The following SDK1 variants were observed in gnomAD, a reference collection of about 807,000 sequenced individuals.
The protein encoded by SDK1 is sidekick cell adhesion molecule 1.
Under a neutral mutation model 245.5 loss-of-function variants are expected in SDK1, and 157 were observed. That is an observed-to-expected ratio of 0.64 (90% CI 0.56 to 0.73). The LOEUF (loss-of-function observed/expected upper bound fraction) is 0.73, where lower values mean the gene tolerates loss of function less well. SDK1 is among the 30% of genes least tolerant of loss of function. The pLI is 0.00. For missense variants in SDK1, 3,583 were observed against 3,002.3 expected, an observed-to-expected ratio of 1.19 and a Z score of -4.52; for synonymous variants, 1,647 against 1,278.5, an observed-to-expected ratio of 1.29 and a Z score of -6.15.
intron 42 of SDK1, among the ~76,000 whole-genome samples, chr7:4,240,665 G>A (rs35527356): frequency 0.19 from 28,696 of 152,192 alleles, 3,048 homozygotes; most frequent in Non-Finnish European, 0.24. Flanking sequence ...TGTAGGCGCT[G>A]TCCTGGGGGC....
At chr7:3,724,865 A>G (rs1246096462) in intron 4 of SDK1, among the ~76,000 whole-genome samples, 1 of 152,190 alleles carries the variant, frequency 6.6e-6, no homozygotes, top group Non-Finnish European at 1.5e-5. Flanking sequence ...CACCGAAGAG[A>G]ACTTGTCACA....
intron 1 of SDK1, among the ~76,000 whole-genome samples, chr7:3,584,199 G>C (rs898203611): frequency 6.6e-6 from 1 of 152,064 alleles, no homozygotes; most frequent in African/African-American, 2.4e-5. Context: ...GGCTTCTTAG[G>C]GCCCTTAATA....
chr7:4,048,507 G>A (rs6956855), intron 17 of SDK1, among the ~76,000 whole-genome samples: 15,655 of 147,622 alleles, frequency 0.11, 953 homozygotes, highest in South Asian at 0.18. Flanking sequence ...GCCGTGCTCC[G>A]TGTGCACCCA....
chr7:3,934,834 G>A (rs549204872), intron 5 of SDK1, among the ~76,000 whole-genome samples: 2 of 152,318 alleles, frequency 1.3e-5, no homozygotes, highest in African/African-American at 4.8e-5. Context: ...GTAGAGGAGT[G>A]TGCAAAGGAC....
At chr7:3,454,358 G>A (rs1291476190) in intron 1 of SDK1, among the ~76,000 whole-genome samples, 2 of 146,670 alleles carry the variant, frequency 1.4e-5, no homozygotes, top group Non-Finnish European at 3.0e-5. Flanking sequence ...TTTTATTAAT[G>A]CATTTCGATT....
chr7:3,401,058 C>T (rs953494417), intron 1 of SDK1, among the ~76,000 whole-genome samples: 14 of 152,120 alleles, frequency 9.2e-5, no homozygotes, highest in Admixed American at 2.6e-4. Context: ...TGCTGCCATC[C>T]GCAGCCTCAT....
intron 16 of SDK1, 46 bp downstream of exon 16, chr7:4,012,281 AG>A: frequency 7.0e-7 from 1 of 1,433,596 alleles, no homozygotes. Flanking sequence ...ATTAGAGTTG[AG>A]CGTCGATTTC....
chr7:4,113,131 C>G (rs1783456093), intron 23 of SDK1, among the ~76,000 whole-genome samples, 158 bp from the exon 24 acceptor site: 1 of 152,132 alleles, frequency 6.6e-6, no homozygotes, highest in Admixed American at 6.5e-5. Context: ...TTTAATGAAA[C>G]CAGGTGAAAA....
chr7:4,063,001 A>G (rs571622056), intron 19 of SDK1, among the ~76,000 whole-genome samples: 1 of 152,324 alleles, frequency 6.6e-6, no homozygotes, highest in South Asian at 2.1e-4. Flanking sequence ...CTAACATCAC[A>G]CTGAATGGGG....
chr7:3,993,889 G>C (rs2128141877), intron 14 of SDK1, among the ~76,000 whole-genome samples: 1 of 152,274 alleles, frequency 6.6e-6, no homozygotes, highest in South Asian at 2.1e-4. Flanking sequence ...GAGCCAGTGA[G>C]CTCCACTGAG....
In SDK1 at chr7:3,791,055, C is replaced by T. The variant is rs530512201; in HGVS notation, c.714-30395C>T. Reference sequence around the variant, plus strand: ...ATCCTCATCGGTAAATTGGGTCTAACAGCAGTGCCTAGTTCCTGGGGAGTG... The same window carrying T: ...ATCCTCATCGGTAAATTGGGTCTAATAGCAGTGCCTAGTTCCTGGGGAGTG... On this transcript the variant is annotated intron_variant, in intron 4 of 44. Coordinates refer to ENST00000404826, the MANE Select transcript of SDK1 (RefSeq NM_152744.4). Among the ~76,000 whole-genome samples, 386 of 152,104 alleles carry T rather than the reference C, an allele frequency of 2.5e-3. 1 individual carries two copies. Among genetic ancestry groups the T allele is most frequent in the Non-Finnish European group, 4.7e-3 (321 of 67,998 alleles).
intron 4 of SDK1, among the ~76,000 whole-genome samples, chr7:3,810,439 C>T (rs957052368): frequency 2.0e-5 from 3 of 152,052 alleles, no homozygotes; most frequent in South Asian, 2.1e-4. Flanking sequence ...CATGCCGTTC[C>T]TCTGCATATG....
chr7:4,200,648 A>C (rs1200950401), intron 35 of SDK1, among the ~76,000 whole-genome samples: 1 of 152,216 alleles, frequency 6.6e-6, no homozygotes, highest in Non-Finnish European at 1.5e-5. Context: ...GCCTCTCACA[A>C]CATGGCAGCT....
At chr7:3,339,884 G>A (rs1780300140) in intron 1 of SDK1, among the ~76,000 whole-genome samples, 1 of 151,686 alleles carries the variant, frequency 6.6e-6, no homozygotes, top group Admixed American at 6.6e-5. Flanking sequence ...ATTGAAAAGA[G>A]GAAAAAGAAA....
At chr7:3,401,082 G>A (rs1213997149) in intron 1 of SDK1, among the ~76,000 whole-genome samples, 5 of 152,156 alleles carry the variant, frequency 3.3e-5, no homozygotes, top group East Asian at 1.9e-4. Context: ...CCTCAGCTCC[G>A]TAATGTGTCC....
intron 37 of SDK1, among the ~76,000 whole-genome samples, chr7:4,209,409 G>A (rs753726763): frequency 5.9e-5 from 9 of 152,152 alleles, no homozygotes; most frequent in Non-Finnish European, 8.8e-5. Context: ...CACCTTACAC[G>A]GCGCCCGGGC....
At chr7:3,645,158 A>G (rs1438437220) in intron 4 of SDK1, among the ~76,000 whole-genome samples, 1 of 152,212 alleles carries the variant, frequency 6.6e-6, no homozygotes, top group Non-Finnish European at 1.5e-5. Context: ...AATTTTTTAA[A>G]CTTGCAAATA....
intron 4 of SDK1, among the ~76,000 whole-genome samples, chr7:3,671,475 T>G (rs1359162464): frequency 6.6e-6 from 1 of 152,236 alleles, no homozygotes; most frequent in East Asian, 1.9e-4. Flanking sequence ...TTACCCTTTT[T>G]GTTATTATGA....
chr7:3,450,959 G>A (rs964270460), intron 1 of SDK1, among the ~76,000 whole-genome samples: 9 of 152,114 alleles, frequency 5.9e-5, no homozygotes, highest in South Asian at 2.1e-4. Flanking sequence ...TAAAGGAAAC[G>A]ATAGTCATTG....
Sources: allele counts gnomAD v4.1 joint callset (sites outside exome capture counted in the v4.1 genomes callset), GRCh38; gene constraint gnomAD v4.1.1; transcripts MANE v1.5; gene names NCBI Gene and HGNC (gene_info 2026-07-23, HGNC 2026-07-21).